The following NRG1 variants were observed in gnomAD, a reference collection of about 807,000 sequenced individuals.
NRG1 encodes neuregulin 1, also known as pro-neuregulin-1, membrane-bound isoform.
NRG1 carries 18 observed loss-of-function variants against 63.8 expected under a neutral mutation model. The ratio of observed to expected loss-of-function variants is 0.28; its 90% CI spans 0.19 to 0.42. The LOEUF (loss-of-function observed/expected upper bound fraction) is 0.42, where lower values mean the gene tolerates loss of function less well. Among genes scored for constraint, NRG1 ranks in the 10% least tolerant of loss-of-function variants. The probability of loss-of-function intolerance (pLI) is 1.00; values close to 1 mark genes in which losing one functional copy is unlikely to be tolerated. For missense variants in NRG1, 762 were observed against 814.7 expected (o/e 0.94, Z 0.79); for synonymous variants, 302 against 301.3 (o/e 1.00, Z -0.02).
At chr8:31,918,414 G>C (rs1171109031) in intron 1 of NRG1, among the ~76,000 whole-genome samples, 1 of 152,166 alleles carries the variant, frequency 6.6e-6, no homozygotes, top group African/African-American at 2.4e-5. Flanking sequence ...AGCATGAAGA[G>C]TTGTTGAATT....
chr8:31,666,297 C>T (rs544364304), intron 1 of NRG1, among the ~76,000 whole-genome samples: 4 of 152,298 alleles, frequency 2.6e-5, no homozygotes, highest in African/African-American at 9.6e-5. Context: ...AAAATATCCT[C>T]TTCCCTCTCT....
chr8:31,845,459 T>C (rs994338491), intron 1 of NRG1, among the ~76,000 whole-genome samples: 3 of 152,208 alleles, frequency 2.0e-5, no homozygotes, highest in Non-Finnish European at 2.9e-5. Context: ...GGTACTTCAG[T>C]GGTTGATTAA....
At chr8:31,956,531 C>T (rs327391) in intron 1 of NRG1, among the ~76,000 whole-genome samples, 8 of 151,954 alleles carry the variant, frequency 5.3e-5, no homozygotes, top group Admixed American at 4.6e-4. Context: ...AGCTGAGGCA[C>T]GGGAATGGTG....
Position 32,691,764 on chromosome 8 carries a change from G to A in NRG1, c.503-36185G>A, listed in dbSNP as rs1811739368. ...TGGGAATTGTTGTTGTGATTAAGTA[G>A]TTAAATTTGTATATTTTTTTCCTGC... On this transcript the variant is annotated intron_variant, in intron 5 of 11. Coordinates refer to ENST00000356819, the Ensembl canonical transcript of NRG1. Among the ~76,000 whole-genome samples, 3 of 152,216 alleles carry A rather than the reference G, an allele frequency of 2.0e-5. No homozygotes were observed. In the South Asian group the frequency reaches 6.2e-4, roughly 32 times the overall value.
intron 1 of NRG1, among the ~76,000 whole-genome samples, chr8:32,435,676 CAAAAACGT>C (rs1345370703): frequency 5.3e-5 from 8 of 151,928 alleles, no homozygotes; most frequent in African/African-American, 1.9e-4. Context: ...CTGTCCACAG[CAAAAACGT>C]TACCAGGCAA....
At chr8:31,684,189 T>C (rs1808625848) in intron 1 of NRG1, among the ~76,000 whole-genome samples, 1 of 152,230 alleles carries the variant, frequency 6.6e-6, no homozygotes, top group South Asian at 2.1e-4. Flanking sequence ...GAGGGACTGC[T>C]ATGGCTTGAA....
At chr8:32,427,050 G>A (rs1262032651) in intron 1 of NRG1, among the ~76,000 whole-genome samples, 1 of 151,194 alleles carries the variant, frequency 6.6e-6, no homozygotes, top group African/African-American at 2.4e-5. Context: ...TTCTCAGTCT[G>A]TAAACAGCCC....
At chr8:32,572,449 A>T (rs1417970956) in intron 1 of NRG1, among the ~76,000 whole-genome samples, 2 of 152,138 alleles carry the variant, frequency 1.3e-5, no homozygotes, top group Non-Finnish European at 2.9e-5. Context: ...TTAAGCCAAA[A>T]CTTCATTCCT....
intron 1 of NRG1, among the ~76,000 whole-genome samples, chr8:31,645,468 C>T (rs1804199801): frequency 1.3e-5 from 2 of 152,154 alleles, no homozygotes; most frequent in Admixed American, 6.6e-5. Flanking sequence ...TGAAGACTTG[C>T]CCCCTGGATT....
intron 1 of NRG1, among the ~76,000 whole-genome samples, chr8:32,474,869 C>T (rs1453419679): frequency 6.6e-6 from 1 of 152,086 alleles, no homozygotes; most frequent in Non-Finnish European, 1.5e-5. Flanking sequence ...AAGAATGATG[C>T]TAGGTACTCT....
At chr8:32,171,122 G>A (rs1273891643) in intron 1 of NRG1, among the ~76,000 whole-genome samples, 8 of 152,274 alleles carry the variant, frequency 5.3e-5, no homozygotes, top group South Asian at 2.1e-4. Context: ...CTGTGTGTGT[G>A]TAAAGGTTAT....
intron 1 of NRG1, among the ~76,000 whole-genome samples, chr8:32,516,603 T>C (rs1829847215): frequency 6.6e-6 from 1 of 152,204 alleles, no homozygotes; most frequent in Non-Finnish European, 1.5e-5. Context: ...GTTTGTTTCT[T>C]TCAGCAATGT....
At chr8:32,606,860 T>A (rs1338965983) in intron 3 of NRG1, among the ~76,000 whole-genome samples, 1 of 152,126 alleles carries the variant, frequency 6.6e-6, no homozygotes, top group Non-Finnish European at 1.5e-5. Flanking sequence ...GGGTTAATTC[T>A]ATGGGAGGCT....
At chr8:31,937,392 G>T (rs903239049) in intron 1 of NRG1, among the ~76,000 whole-genome samples, 20 of 152,050 alleles carry the variant, frequency 1.3e-4, no homozygotes, top group African/African-American at 4.6e-4. Context: ...ATAAATAAAA[G>T]ATAAAAATAA....
chr8:32,554,454 G>T (rs888195987), intron 1 of NRG1, among the ~76,000 whole-genome samples: 5 of 152,092 alleles, frequency 3.3e-5, no homozygotes, highest in African/African-American at 1.2e-4. Flanking sequence ...CATAAAGCTG[G>T]CTACTTTTCA....
chr8:32,150,809 C>G (rs531727848), intron 1 of NRG1, among the ~76,000 whole-genome samples: 2 of 152,232 alleles, frequency 1.3e-5, no homozygotes, highest in Middle Eastern at 3.4e-3. Flanking sequence ...TAAAGAAGTG[C>G]CCATACCCAA....
At chr8:32,623,664 CGT>C (rs1848710363) in intron 5 of NRG1, among the ~76,000 whole-genome samples, 1 of 152,136 alleles carries the variant, frequency 6.6e-6, no homozygotes, top group African/African-American at 2.4e-5. Flanking sequence ...AGTTGGGGCT[CGT>C]ATATTATAGC....
At chr8:31,711,194 C>A (rs1204625301) in intron 1 of NRG1, among the ~76,000 whole-genome samples, 2 of 152,098 alleles carry the variant, frequency 1.3e-5, no homozygotes, top group Non-Finnish European at 2.9e-5. Context: ...TATTAACATT[C>A]TTTTTTGGTC....
At chr8:31,684,256 A>C (rs2131081161) in intron 1 of NRG1, among the ~76,000 whole-genome samples, 1 of 152,288 alleles carries the variant, frequency 6.6e-6, no homozygotes, top group Middle Eastern at 3.4e-3. Flanking sequence ...TAACAGTATT[A>C]AGAGGTGGGG....
Sources: allele counts gnomAD v4.1 joint callset (sites outside exome capture counted in the v4.1 genomes callset), GRCh38; gene constraint gnomAD v4.1.1; transcripts MANE v1.5; gene names NCBI Gene and HGNC (gene_info 2026-07-23, HGNC 2026-07-21).